Variants in STS observed in about 807,000 individuals in gnomAD.
STS encodes steryl-sulfatase.
STS carries 7 observed loss-of-function variants against 26.8 expected under a neutral mutation model. The ratio of observed to expected loss-of-function variants is 0.26; its 90% CI spans 0.15 to 0.49. STS has a LOEUF of 0.49. STS is among the 20% of genes least tolerant of loss of function. The pLI, the probability that STS is intolerant of heterozygous loss-of-function variation, is 0.98. For synonymous variants in STS, 199 were observed against 189.4 expected, an observed-to-expected ratio of 1.05 and a Z score of -0.42; for missense variants, 434 against 465.6, an observed-to-expected ratio of 0.93 and a Z score of 0.63.
chrX:7,170,767 G>C (rs1437521851), intron 1 of STS, among the ~76,000 whole-genome samples: 1 of 110,926 alleles, frequency 9.0e-6, no homozygotes, highest in Non-Finnish European at 1.9e-5. Flanking sequence ...TTATACGTGT[G>C]AGCCACTGTA....
intron 1 of STS, among the ~76,000 whole-genome samples, chrX:7,164,796 C>G (rs1221167285): frequency 9.2e-6 from 1 of 108,491 alleles, no homozygotes; most frequent in Non-Finnish European, 1.9e-5. Context: ...TTGCTTGAGT[C>G]TAGGAATTCA....
intron 8 of STS, among the ~76,000 whole-genome samples, chrX:7,324,459 A>G (rs933654674): frequency 4.5e-5 from 5 of 112,009 alleles, no homozygotes; most frequent in Non-Finnish European, 1.9e-5. Flanking sequence ...GAGATTGTCT[A>G]CAGAATGTAG....
intron 2 of STS, among the ~76,000 whole-genome samples, chrX:7,204,497 CT>C (rs1934149793): frequency 4.0e-5 from 4 of 100,145 alleles, no homozygotes; most frequent in African/African-American, 1.5e-4. Flanking sequence ...CCCTTCCTTC[CT>C]CCCTCCCTCC....
intron 2 of STS, among the ~76,000 whole-genome samples, chrX:7,241,155 A>G (rs1232934644): frequency 1.8e-5 from 2 of 112,055 alleles, no homozygotes; most frequent in South Asian, 3.7e-4. Context: ...ATGATAAAAA[A>G]CAAAGAACAT....
chrX:7,352,471 G>A lies in STS; in HGVS notation c.*2210G>A, dbSNP rs1179264343. ...ACATTTGGAAATCAGGTCGATTTGTGGTAACTGTAGTCATCTTAAATTTCA... is the reference window on the plus strand; with the variant it reads ...ACATTTGGAAATCAGGTCGATTTGTAGTAACTGTAGTCATCTTAAATTTCA... On this transcript the variant is annotated 3_prime_UTR_variant, in exon 11 of 11. Transcript: ENST00000674429. 2.7e-5 allele frequency: 3 copies of A among 112,090 alleles called. No individual in the cohort carries two copies. Among genetic ancestry groups the A allele is most frequent in the Non-Finnish European group, 3.8e-5 (2 of 53,245 alleles). 9.2% of individuals were successfully genotyped at this position (112,090 alleles called of 1,213,427 possible). A position where few individuals can be genotyped will look rare whatever the true frequency, so the allele number is the denominator to read the frequency against.
chrX:7,242,437 A>C (rs1422129301), intron 2 of STS, among the ~76,000 whole-genome samples: 1 of 108,775 alleles, frequency 9.2e-6, no homozygotes, highest in Admixed American at 9.9e-5. Context: ...TCTATAAAAA[A>C]AAAAAATTAA....
chrX:7,341,283 ATCTGGACATC>A (rs1928269878), intron 10 of STS, among the ~76,000 whole-genome samples: 1 of 111,557 alleles, frequency 9.0e-6, no homozygotes, highest in Non-Finnish European at 1.9e-5. Flanking sequence ...CTAACCGTGT[ATCTGGACATC>A]TCTGTGCCCC....
intron 10 of STS, among the ~76,000 whole-genome samples, chrX:7,343,255 A>G (rs1928372901): frequency 1.8e-5 from 2 of 112,269 alleles, no homozygotes; most frequent in South Asian, 7.4e-4. Flanking sequence ...TGAGTGATAC[A>G]TTAAGAGCCA....
At chrX:7,337,968 A>G (rs1224950051) in intron 10 of STS, among the ~76,000 whole-genome samples, 2 of 112,141 alleles carry the variant, frequency 1.8e-5, no homozygotes, top group African/African-American at 3.2e-5. Context: ...TAAAACATGA[A>G]TCTCTTTTAA....
chrX:7,167,352 AC>A (rs1933372196), intron 1 of STS, among the ~76,000 whole-genome samples: 1 of 111,163 alleles, frequency 9.0e-6, no homozygotes, highest in African/African-American at 3.3e-5. Context: ...AGTAGCTGGG[AC>A]TACAGGCGTG....
chrX:7,340,308 A>G (rs986581724), intron 10 of STS, among the ~76,000 whole-genome samples: 1 of 111,881 alleles, frequency 8.9e-6, no homozygotes, highest in Non-Finnish European at 1.9e-5. Flanking sequence ...ACCCCCCGCC[A>G]GATTTGCTTT....
chrX:7,157,878 A>G (rs944951289), intron 1 of STS, among the ~76,000 whole-genome samples: 11 of 111,675 alleles, frequency 9.9e-5, no homozygotes, highest in African/African-American at 3.6e-4. Flanking sequence ...TATTTATTGT[A>G]ACAGGATACT....
At chrX:7,291,040 G>A (rs770713175) in intron 7 of STS, among the ~76,000 whole-genome samples, 93 of 111,640 alleles carry the variant, frequency 8.3e-4, no homozygotes, top group African/African-American at 2.8e-3. Flanking sequence ...GCACAATTTC[G>A]TGTGTTCGAG....
chrX:7,259,226 G>A (rs774694313), intron 5 of STS, 123 bp from the exon 6 acceptor site: 3 of 739,063 alleles, frequency 4.1e-6, no homozygotes, highest in South Asian at 2.3e-5. Flanking sequence ...GGTCCTATGA[G>A]CGGGAAGGCT....
chrX:7,330,555 T>C (rs990349074), intron 9 of STS, among the ~76,000 whole-genome samples: 1 of 112,738 alleles, frequency 8.9e-6, no homozygotes, highest in Admixed American at 9.4e-5. Context: ...ATTAATGCTT[T>C]AATGCTTAAC....
chrX:7,271,719 AT>A (rs1402753313), intron 6 of STS, among the ~76,000 whole-genome samples: 1,235 of 97,119 alleles, frequency 0.013, 15 homozygotes, highest in African/African-American at 0.033. Flanking sequence ...GCCACTCAGG[AT>A]TTTTTTTTTT....
chrX:7,320,055 ATATATATATTT>A (rs780834558), intron 8 of STS, among the ~76,000 whole-genome samples: 219 of 92,661 alleles, frequency 2.4e-3, no homozygotes, highest in Middle Eastern at 0.021. Flanking sequence ...ATATATATTT[ATATATATATTT>A]TATATATATT....
At chrX:7,155,571 A>G (rs1165682328) in intron 1 of STS, among the ~76,000 whole-genome samples, 2 of 112,164 alleles carry the variant, frequency 1.8e-5, no homozygotes, top group Non-Finnish European at 3.8e-5. Flanking sequence ...TGATTTTTAT[A>G]AACTTGAGGA....
At chrX:7,239,556 T>C (rs1279187493) in intron 2 of STS, among the ~76,000 whole-genome samples, 2 of 112,146 alleles carry the variant, frequency 1.8e-5, no homozygotes, top group Admixed American at 1.9e-4. Flanking sequence ...TGTCTCTCTC[T>C]TTCCTAATGA....
Sources: allele counts gnomAD v4.1 joint callset (sites outside exome capture counted in the v4.1 genomes callset), GRCh38; gene constraint gnomAD v4.1.1; transcripts MANE v1.5; gene names NCBI Gene and HGNC (gene_info 2026-07-23, HGNC 2026-07-21).